The following FMN1 variants were observed in gnomAD, a reference collection of about 807,000 sequenced individuals.
FMN1 encodes the protein formin-1.
Under a neutral mutation model 132.4 loss-of-function variants are expected in FMN1, and 110 were observed. That is an observed-to-expected ratio of 0.83 (90% CI 0.71 to 0.97). FMN1 has a LOEUF of 0.97. Ranked by LOEUF, FMN1 falls within the 50% of genes least tolerant of loss-of-function variation. FMN1 has a pLI of 0.00. For missense variants in FMN1, 1,792 were observed against 1,705.3 expected, an observed-to-expected ratio of 1.05 and a Z score of -0.90; for synonymous variants, 722 against 651.7, an observed-to-expected ratio of 1.11 and a Z score of -1.64.
chr15:33,113,087 A>ACC (rs766471540), intron 4 of FMN1, among the ~76,000 whole-genome samples: 15 of 152,286 alleles, frequency 9.8e-5, no homozygotes, highest in South Asian at 2.1e-4. Flanking sequence ...AGTGTTTAAC[A>ACC]CCCCCAAGGC....
At chr15:33,099,249 C>A (rs1403986989) in intron 4 of FMN1, among the ~76,000 whole-genome samples, 7 of 152,220 alleles carry the variant, frequency 4.6e-5, no homozygotes, top group Non-Finnish European at 1.0e-4. Context: ...CAAGATCGTG[C>A]CATTGCACTT....
At chr15:33,156,263 C>A (rs1247139143) in intron 3 of FMN1, among the ~76,000 whole-genome samples, 5 of 144,074 alleles carry the variant, frequency 3.5e-5, no homozygotes, top group African/African-American at 1.3e-4. Context: ...GGGCTGTTCT[C>A]ACTCAAGTAG....
chr15:32,798,842 T>G lies in FMN1; in HGVS notation c.4092A>C (p.Thr1364=). The G allele has an allele frequency of 6.2e-7, 1 of 1,613,574 alleles. No individual in the cohort carries two copies. Among genetic ancestry groups the G allele is most frequent in the Non-Finnish European group, 8.5e-7 (1 of 1,179,726 alleles). ...TGTTTTTACTCTCCCGTTTCCAAAT[T>G]GTCTTGAAGTCACTGCAGAACTCAT... ...VWYEFCSDFK[T]IWKRESKNIS... is the part of the protein sequence containing the mutation. Residue 1364 remains threonine (T), a synonymous_variant, in exon 19 of 21, where the codon ACA becomes ACC. Coordinates refer to ENST00000616417, the MANE Select transcript of FMN1 (RefSeq NM_001277313.2).
At chr15:32,930,669 C>G (rs973598279) in intron 9 of FMN1, among the ~76,000 whole-genome samples, 1 of 151,594 alleles carries the variant, frequency 6.6e-6, no homozygotes, top group Non-Finnish European at 1.5e-5. Context: ...TGAGCAGAAG[C>G]TTTTTCATTT....
At chr15:33,127,297 GTAAC>G (rs1963183070) in intron 4 of FMN1, among the ~76,000 whole-genome samples, 1 of 152,116 alleles carries the variant, frequency 6.6e-6, no homozygotes, top group Admixed American at 6.5e-5. Context: ...CGTCAAATAA[GTAAC>G]GTCATGGTTA....
chr15:33,008,184 A>G, intron 6 of FMN1, 109 bp from the exon 7 acceptor site: 2 of 831,010 alleles, frequency 2.4e-6, no homozygotes, highest in Non-Finnish European at 3.9e-6. Context: ...CCACAATTTG[A>G]CATCAACCTT....
intron 12 of FMN1, among the ~76,000 whole-genome samples, chr15:32,905,053 C>T (rs1251737757): frequency 6.6e-6 from 1 of 152,128 alleles, no homozygotes; most frequent in Non-Finnish European, 1.5e-5. Flanking sequence ...ACTAAATATT[C>T]CCAAAAGAAG....
intron 6 of FMN1, among the ~76,000 whole-genome samples, chr15:33,061,859 A>G (rs941666142): frequency 6.6e-6 from 1 of 152,120 alleles, no homozygotes; most frequent in Non-Finnish European, 1.5e-5. Flanking sequence ...ACTGTATACC[A>G]AATTAAATTT....
At chr15:32,992,907 A>G (rs2033526976) in intron 7 of FMN1, among the ~76,000 whole-genome samples, 1 of 152,350 alleles carries the variant, frequency 6.6e-6, no homozygotes, top group East Asian at 1.9e-4. Flanking sequence ...ACCAAGTAAT[A>G]CTAATTTAAC....
chr15:33,183,687 C>T (rs1965781412), intron 2 of FMN1, among the ~76,000 whole-genome samples: 1 of 152,190 alleles, frequency 6.6e-6, no homozygotes, highest in Non-Finnish European at 1.5e-5. Context: ...ACAAAAATAG[C>T]ATACCCAGAG....
intron 9 of FMN1, among the ~76,000 whole-genome samples, chr15:32,930,120 G>A (rs1462980607): frequency 2.7e-5 from 4 of 150,540 alleles, no homozygotes; most frequent in Non-Finnish European, 5.9e-5. Context: ...CTCCCAAGTA[G>A]CTGGGATTAC....
At chr15:32,839,957 C>T (rs1019919413) in intron 17 of FMN1, among the ~76,000 whole-genome samples, 3 of 152,146 alleles carry the variant, frequency 2.0e-5, no homozygotes, top group African/African-American at 7.2e-5. Flanking sequence ...GTCAATAAGA[C>T]CAATTTCCGA....
intron 2 of FMN1, among the ~76,000 whole-genome samples, chr15:33,189,724 A>C (rs1966008652): frequency 6.6e-6 from 1 of 152,212 alleles, no homozygotes; most frequent in African/African-American, 2.4e-5. Flanking sequence ...GGAGAGGTAC[A>C]GCATCATTTA....
At chr15:33,124,333 G>T (rs1962849072) in intron 4 of FMN1, among the ~76,000 whole-genome samples, 1 of 152,198 alleles carries the variant, frequency 6.6e-6, no homozygotes, top group African/African-American at 2.4e-5. Context: ...GCGTCTTGCT[G>T]TGCTGTTATA....
intron 17 of FMN1, among the ~76,000 whole-genome samples, chr15:32,807,226 C>G (rs1259103691): frequency 6.6e-6 from 1 of 152,160 alleles, no homozygotes; most frequent in African/African-American, 2.4e-5. Flanking sequence ...TAGTATATTT[C>G]AACTAGTAAA....
Position 32,964,132 on chromosome 15 carries a change from T to G in FMN1, c.3113A>C (p.Tyr1038Ser), listed in dbSNP as rs1009409847. 4 of 1,612,468 alleles carry G rather than the reference T, an allele frequency of 2.5e-6. No individual in the cohort carries two copies. The highest frequency in any genetic ancestry group is 3.4e-5 in the Admixed American group (2 of 59,688). The change falls in exon 9 of 21, where the codon TAT becomes TCT. Residue 1038 changes from tyrosine (Y) to serine (S), a missense_variant. Physicochemically the swap from Tyr to Ser is moderately radical, Grantham distance 144 (BLOSUM62 -2). This residue lies in a region of FMN1 where 1,150 missense variants were observed against 1,043.1 expected (regional missense o/e 1.10). Coordinates refer to ENST00000616417, the MANE Select transcript of FMN1 (RefSeq NM_001277313.2). ...QQKKKPLSET[Y>S]EKKNKVKKII... ...CTTTTTGACCTTGTTTTTCTTCTCA[T>G]AAGTCTCTGACAGAGGTTTTTTCTT...
intron 6 of FMN1, among the ~76,000 whole-genome samples, chr15:33,014,244 C>T (rs1210329769): frequency 6.6e-6 from 1 of 152,246 alleles, no homozygotes; most frequent in Non-Finnish European, 1.5e-5. Context: ...TAAGTTAGTG[C>T]TTTCCAAATG....
chr15:33,090,188 A>T (rs1566906564), intron 4 of FMN1, among the ~76,000 whole-genome samples: 1 of 152,164 alleles, frequency 6.6e-6, no homozygotes, highest in Non-Finnish European at 1.5e-5. Flanking sequence ...TGCAATAGAG[A>T]TCACTGTTGA....
intron 4 of FMN1, among the ~76,000 whole-genome samples, chr15:33,096,171 G>C (rs1303086717): frequency 2.6e-5 from 4 of 152,092 alleles, no homozygotes; most frequent in Admixed American, 6.5e-5. Context: ...GCTGATCCCT[G>C]ATGGCTGACA....
Sources: allele counts gnomAD v4.1 joint callset (sites outside exome capture counted in the v4.1 genomes callset), GRCh38; gene constraint gnomAD v4.1.1; regional missense constraint gnomAD v4.1.1; transcripts MANE v1.5; gene names NCBI Gene and HGNC (gene_info 2026-07-23, HGNC 2026-07-21).